SCRIB: variants seen among roughly 807,000 people sequenced by gnomAD.
The protein encoded by SCRIB is scribble planar cell polarity protein, also known as protein scribble homolog.
A neutral mutation model predicts 170.0 loss-of-function variants in SCRIB; 72 were observed. The observed-to-expected ratio is 0.42, with a 90% CI of 0.35 to 0.52. The LOEUF (loss-of-function observed/expected upper bound fraction) is 0.52. SCRIB is among the 20% of genes least tolerant of loss of function. The pLI, the probability that SCRIB is intolerant of heterozygous loss-of-function variation, is 0.02. For missense variants in SCRIB, 2,475 were observed against 2,338.5 expected (o/e 1.06, Z -1.20); for synonymous variants, 1,298 against 1,044.3 (o/e 1.24, Z -4.68).
At chr8:143,809,861 T>C in intron 13 of SCRIB, 143 bp from the exon 14 acceptor site, 1 of 948,470 alleles carries the variant, frequency 1.1e-6, no homozygotes, top group African/African-American at 1.6e-5. Flanking sequence ...CCCTCGCAGC[T>C]GCTCCCTGTC....
chr8:143,808,687 TTCCTCCTCCTCC>T lies in SCRIB; in HGVS notation c.2025_2036del (p.Glu676_Glu679del). 6.5e-7 allele frequency: 1 copy of T among 1,545,230 alleles called. No homozygotes were observed. Among genetic ancestry groups the T allele is most frequent in the Non-Finnish European group, 8.7e-7 (1 of 1,148,200 alleles). The stretch of plus-strand genomic sequence containing the variant: ...TGGCCTCTTCCTCTTCAGCCCTGTT[TTCCTCCTCCTCC>T]TCTTCCTCCTCCTCCTGAGGACTAC... On this transcript the variant is annotated inframe_deletion, in exon 15 of 37. Transcript: ENST00000356994.
At chr8:143,808,473 G>A (rs782776790) in intron 15 of SCRIB, 136 bp downstream of exon 15, 345 of 1,061,860 alleles carry the variant, frequency 3.2e-4, no homozygotes, top group Non-Finnish European at 4.2e-4. Context: ...GCCGACTGTG[G>A]AGCACACGTG....
intron 15 of SCRIB, 93 bp from the exon 16 acceptor site, chr8:143,807,707 AGAG>A (rs1178893310): frequency 5.2e-5 from 53 of 1,025,088 alleles, no homozygotes; most frequent in Non-Finnish European, 7.3e-5. Context: ...CAGAAAGGAC[AGAG>A]GAGACCACAG....
At chr8:143,814,556 A>G (rs1586538476) in intron 1 of SCRIB, among the ~76,000 whole-genome samples, 1 of 152,188 alleles carries the variant, frequency 6.6e-6, no homozygotes, top group Non-Finnish European at 1.5e-5. Flanking sequence ...CCACAGGCAC[A>G]GTGCTACGCG....
intron 36 of SCRIB, 27 bp downstream of exon 36, chr8:143,791,362 G>C (rs1554632581): frequency 6.2e-7 from 1 of 1,603,022 alleles, no homozygotes; most frequent in Non-Finnish European, 8.5e-7. Context: ...GCTCCTGGGA[G>C]CTCACCCCAG....
intron 24 of SCRIB, among the ~76,000 whole-genome samples, chr8:143,798,424 G>A (rs936820633): frequency 1.5e-5 from 2 of 133,634 alleles, no homozygotes; most frequent in African/African-American, 5.0e-5. Context: ...GGAAGCAGCC[G>A]CCAGAACTCG....
In SCRIB at chr8:143,791,551, G is replaced by C. The variant is rs374798078; in HGVS notation, c.4771-111C>G. ...CCACAGAGCCCGGCTGAAGGGGGAG[G>C]GGGGGTGAAGAGGCAGGGCCACGGC... On this transcript the variant is annotated intron_variant, in intron 35 of 36. Transcript: ENST00000356994. 6.9e-5 allele frequency: 108 copies of C among 1,567,852 alleles called. 1 individual carries two copies. The Middle Eastern group carries it at 1.7e-3, about 25-fold the overall frequency.
chr8:143,810,620 G>A lies in SCRIB; in HGVS notation c.1405-16C>T. 1.2e-6 allele frequency: 2 copies of A among 1,609,802 alleles called. No individual in the cohort carries two copies. The highest frequency in any genetic ancestry group is 4.5e-5 in the East Asian group (2 of 44,736). ...GCTGTAGGCCCTGTTGTAGGGACAA[G>A]GATGAGCAGCAGCCACAGGGCAGGG... On this transcript the variant is annotated splice_polypyrimidine_tract_variant and intron_variant, in intron 12 of 36. Coordinates refer to ENST00000356994, the MANE Select transcript of SCRIB (RefSeq NM_182706.5).
rs768068039 is a variant in SCRIB at position 143,809,727 on chromosome 8, G to A, written c.1531-9C>T. 7.5e-6 allele frequency: 12 copies of A among 1,605,850 alleles called. No homozygotes were observed. The Admixed American group carries it at 1.8e-4, about 25-fold the overall frequency. The stretch of plus-strand genomic sequence containing the variant: ...GCACTCAGCCGCTTCTCCTGCGGCG[G>A]GAAGTGGGGTCAGGCTTCGACGGAG... On this transcript the variant is annotated splice_polypyrimidine_tract_variant and intron_variant, in intron 13 of 36. Coordinates refer to ENST00000356994, the MANE Select transcript of SCRIB (RefSeq NM_182706.5).
At chr8:143,813,778 C>T (rs1400021948) in intron 3 of SCRIB, 40 bp downstream of exon 3, 1 of 1,609,994 alleles carries the variant, frequency 6.2e-7, no homozygotes, top group South Asian at 1.1e-5. Context: ...GGCTGTGGGA[C>T]CCATAGCCCC....
chr8:143,798,293 C>G (rs1243333397), intron 24 of SCRIB, among the ~76,000 whole-genome samples: 1 of 152,070 alleles, frequency 6.6e-6, no homozygotes, highest in East Asian at 1.9e-4. Flanking sequence ...AAAAGTTACC[C>G]TAAAAGCTAA....
chr8:143,803,452 G>T lies in SCRIB; in HGVS notation c.3534C>A (p.Arg1178=), dbSNP rs1554635422. 1 of 1,597,824 alleles carries T rather than the reference G, an allele frequency of 6.3e-7. No homozygotes were observed. The highest frequency in any genetic ancestry group is 8.5e-7 in the Non-Finnish European group (1 of 1,178,302). ...GCACGGTGAGGGTGTCGCCCACACT[G>T]CGGAGCAGCTGCACCGCCTCGCCGT... The part of the protein sequence containing the change: ...LTHGEAVQLL[R]SVGDTLTVLV... Residue 1178 remains arginine, a synonymous_variant, in exon 24 of 37, where the codon CGC becomes CGA. Coordinates refer to ENST00000356994, the MANE Select transcript of SCRIB (RefSeq NM_182706.5).
Position 143,813,530 on chromosome 8 carries a change from A to C in SCRIB, c.447-4T>G. The C allele has an allele frequency of 6.2e-7, 1 of 1,613,228 alleles. No individual in the cohort carries two copies. ...CAGGGTCACCAGGTTGGCGAGGCTG[A>C]AAGAGAGACCAGGCGCTGGGGCAAG... On this transcript the variant is annotated splice_polypyrimidine_tract_variant and splice_region_variant and intron_variant, in intron 4 of 36. Coordinates refer to ENST00000356994, the MANE Select transcript of SCRIB (RefSeq NM_182706.5).
intron 13 of SCRIB, among the ~76,000 whole-genome samples, 176 bp from the exon 14 acceptor site, chr8:143,809,894 G>A (rs1227607744): frequency 2.0e-5 from 3 of 152,128 alleles, no homozygotes; most frequent in Non-Finnish European, 2.9e-5. Flanking sequence ...GAAGCCACAC[G>A]CCTCCAAAGC....
chr8:143,797,805 G>A (rs1389590514), intron 24 of SCRIB, among the ~76,000 whole-genome samples: 20 of 152,248 alleles, frequency 1.3e-4, no homozygotes, highest in South Asian at 2.1e-4. Context: ...AGAGGGATGC[G>A]GTGGCCAAGC....
At position 143,807,628 on chromosome 8, in the gene SCRIB, A is replaced by C. The variant is rs782805429; in HGVS notation, c.2116-14T>G. The stretch of plus-strand genomic sequence containing the variant: ...AAACGACACTCCCTGTTAGGACAGG[A>C]CCAGTGAGGCATGCAGGTTAGCCAC... On this transcript the variant is annotated splice_polypyrimidine_tract_variant and intron_variant, in intron 15 of 36. Coordinates refer to ENST00000356994, the MANE Select transcript of SCRIB (RefSeq NM_182706.5). 1 of 1,611,480 alleles carries C rather than the reference A, an allele frequency of 6.2e-7. No individual in the cohort carries two copies. The highest frequency in any genetic ancestry group is 8.5e-7 in the Non-Finnish European group (1 of 1,177,780).
Position 143,804,574 on chromosome 8 carries a change from T to C in SCRIB, c.3003A>G (p.Pro1001=). The change falls in exon 21 of 37, where the codon CCA becomes CCG. Residue 1001 remains proline, a synonymous_variant. Coordinates refer to ENST00000356994, the MANE Select transcript of SCRIB (RefSeq NM_182706.5). The stretch of plus-strand genomic sequence containing the variant: ...GTGGGGGCTTGTGTCTCACCTCCAC[T>C]GGGTATGGCCCTTCCAACGCGGCAG... ...LLAAALEGPY[P]VEEIRLPRAG... 6.7e-7 allele frequency: 1 copy of C among 1,497,256 alleles called. No individual in the cohort carries two copies. The allele number at this position is 1,497,256 out of a possible 1,614,324, so 92.7% of individuals were successfully genotyped here.
rs1427348794 is a variant in SCRIB, at chr8:143,792,241, C to G, written c.4493G>C (p.Arg1498Pro). 1.3e-6 allele frequency: 2 copies of G among 1,570,506 alleles called. No individual in the cohort carries two copies. Among genetic ancestry groups the G allele is most frequent in the Non-Finnish European group, 1.7e-6 (2 of 1,165,390 alleles). ...TCACCTGGCTGCCCTCCACAGCGCACGCTTCTCGGCCTCCAGGGCCCGGAG... is the reference window on the plus strand; with the variant it reads ...TCACCTGGCTGCCCTCCACAGCGCAGGCTTCTCGGCCTCCAGGGCCCGGAG... ...AELRALEAEK[R>P]ALWRAARMKS... Residue 1498 changes from arginine to proline, a missense_variant, in exon 32 of 37, where the codon CGT becomes CCT. Arg to Pro is a moderately radical substitution (Grantham distance 103). Around this residue, in one of 3 missense-constraint regions of SCRIB, gnomAD observed 1,966 missense variants for 1,742.9 expected, o/e 1.13. Transcript: ENST00000356994.
chr8:143,796,328 T>C (rs1227839342), intron 24 of SCRIB, among the ~76,000 whole-genome samples: 4 of 152,146 alleles, frequency 2.6e-5, no homozygotes, highest in African/African-American at 4.8e-5. Context: ...CAGGCATTGC[T>C]CACCGCCCTC....
Sources: allele counts gnomAD v4.1 joint callset (sites outside exome capture counted in the v4.1 genomes callset), GRCh38; gene constraint gnomAD v4.1.1; regional missense constraint gnomAD v4.1.1; transcripts MANE v1.5; gene names NCBI Gene and HGNC (gene_info 2026-07-23, HGNC 2026-07-21).